GRK5: variants seen among roughly 807,000 people sequenced by gnomAD.
The protein encoded by GRK5 is G protein-coupled receptor kinase 5.
In GRK5, 40 loss-of-function variants were observed where a neutral mutation model predicts 78.4. The ratio of observed to expected loss-of-function variants is 0.51; its 90% CI spans 0.40 to 0.66. The LOEUF is 0.66. Among genes scored for constraint, GRK5 ranks in the 30% least tolerant of loss-of-function variants. GRK5 has a pLI of 0.00. For missense variants in GRK5, 598 were observed against 759.9 expected, an observed-to-expected ratio of 0.79 and a Z score of 2.50; for synonymous variants, 289 against 296.8, an observed-to-expected ratio of 0.97 and a Z score of 0.27.
chr10:119,368,489 C>T (rs1164104150), intron 2 of GRK5, among the ~76,000 whole-genome samples: 1 of 152,204 alleles, frequency 6.6e-6, no homozygotes, highest in Admixed American at 6.5e-5. Context: ...TCTCCATTCC[C>T]ACCAGGCTCA....
chr10:119,326,189 G>A (rs906405536), intron 1 of GRK5, among the ~76,000 whole-genome samples: 1 of 152,268 alleles, frequency 6.6e-6, no homozygotes, highest in East Asian at 1.9e-4. Context: ...GACGTGGCAG[G>A]CCTGGCCCCT....
At chr10:119,221,997 AG>A (rs548362876) in intron 1 of GRK5, among the ~76,000 whole-genome samples, 247 of 152,316 alleles carry the variant, frequency 1.6e-3, no homozygotes, top group African/African-American at 5.6e-3. Context: ...TAAATCAGGC[AG>A]GGGGTACACT....
intron 2 of GRK5, among the ~76,000 whole-genome samples, chr10:119,371,836 C>T (rs1235647337): frequency 6.6e-6 from 1 of 152,246 alleles, no homozygotes; most frequent in African/African-American, 2.4e-5. Context: ...TTCTGTGGCA[C>T]CTACTGTGTG....
chr10:119,228,755 A>G (rs945419003), intron 1 of GRK5, among the ~76,000 whole-genome samples: 4 of 152,232 alleles, frequency 2.6e-5, no homozygotes, highest in African/African-American at 9.6e-5. Flanking sequence ...AATTAGAAGA[A>G]AAAAGATGTC....
chr10:119,218,177 T>G (rs1848606300), intron 1 of GRK5, among the ~76,000 whole-genome samples: 1 of 152,054 alleles, frequency 6.6e-6, no homozygotes, highest in African/African-American at 2.4e-5. Flanking sequence ...ATGCACTTCC[T>G]TGGGGGTCCA....
At chr10:119,241,741 G>A (rs996588267) in intron 1 of GRK5, among the ~76,000 whole-genome samples, 2 of 152,206 alleles carry the variant, frequency 1.3e-5, no homozygotes, top group Non-Finnish European at 2.9e-5. Context: ...GTGGAGAGGA[G>A]GAAGAGCCGT....
rs374448597 is a variant in GRK5 at position 119,394,676 on chromosome 10, C to T, written c.262-2019C>T. ...GGGTGTGTGTATCTGTGTCTGTGGGCACGTGTGTGTGGGTGTGTGTGGGTG... is the reference window on the plus strand; with the variant it reads ...GGGTGTGTGTATCTGTGTCTGTGGGTACGTGTGTGTGGGTGTGTGTGGGTG... On this transcript the variant is annotated intron_variant, in intron 3 of 15. Transcript: ENST00000392870. Among the ~76,000 whole-genome samples, 16 of 3,204 alleles carry T rather than the reference C, an allele frequency of 5.0e-3. 5 individuals carry two copies. Among genetic ancestry groups the T allele is most frequent in the Non-Finnish European group, 0.012 (15 of 1,304 alleles). The allele number at this position is 3,204 out of a possible 152,430, so 2.1% of individuals were successfully genotyped here.
In GRK5 at chr10:119,452,773, T is replaced by A; in HGVS notation, c.1507T>A (p.Ser503Thr). Reference protein sequence around the residue: ...HTDDDFYSKFSTGSVSIPWQN... With the variant: ...HTDDDFYSKFTTGSVSIPWQN... ...AGACGACGACTTCTACTCCAAGTTC[T>A]CCACGGGCTCTGTGTCCATCCCATG... The change falls in exon 14 of 16, where the codon TCC (serine) becomes ACC (threonine). Residue 503 changes from serine to threonine, a missense_variant. Physicochemically the swap from Ser to Thr is moderately conservative, Grantham distance 58 (BLOSUM62 1). Coordinates refer to ENST00000392870, the MANE Select transcript of GRK5 (RefSeq NM_005308.3). The surrounding 1 kb of genome is among the most constrained non-coding windows in gnomAD (Gnocchi z 4.4). 1 of 1,396,248 alleles carries A rather than the reference T, an allele frequency of 7.2e-7. No individual in the cohort carries two copies. Among genetic ancestry groups the A allele is most frequent in the Non-Finnish European group, 9.6e-7 (1 of 1,043,162 alleles). 86.5% of individuals were successfully genotyped at this position (1,396,248 alleles called of 1,614,324 possible).
At chr10:119,268,721 A>G (rs1849539850) in intron 1 of GRK5, among the ~76,000 whole-genome samples, 1 of 152,224 alleles carries the variant, frequency 6.6e-6, no homozygotes, top group Admixed American at 6.5e-5. Context: ...CCCCAATGTC[A>G]TCACTATCAT....
intron 4 of GRK5, among the ~76,000 whole-genome samples, chr10:119,414,516 C>T (rs184165013): frequency 6.6e-6 from 1 of 152,346 alleles, no homozygotes; most frequent in East Asian, 1.9e-4. Flanking sequence ...ACCACATCCT[C>T]CTGCACACTG....
intron 2 of GRK5, among the ~76,000 whole-genome samples, chr10:119,363,675 C>G (rs115457532): frequency 0.024 from 3,598 of 152,300 alleles, 162 homozygotes; most frequent in African/African-American, 0.081. Context: ...ACTGTGTTTA[C>G]ATTCTAGCCT....
chr10:119,217,691 C>T lies in GRK5; in HGVS notation c.52+9722C>T, dbSNP rs57183194. On this transcript the variant is annotated intron_variant, in intron 1 of 15. Transcript: ENST00000392870. This position sits in a 1 kb window ranked among gnomAD's most constrained non-coding sequence, Gnocchi z 4.1. The stretch of plus-strand genomic sequence containing the variant: ...CATTGGCAGCAGCACCACCTCCTTT[C>T]CTTGGCAGAGGCAAGAGGTGGGCAG... 0.039 allele frequency among the ~76,000 whole-genome samples: 5,955 copies of T among 152,244 alleles called. 405 individuals carry two copies. The highest frequency in any genetic ancestry group is 0.14 in the African/African-American group (5,648 of 41,524).
chr10:119,310,504 G>A (rs1733170012), intron 1 of GRK5, among the ~76,000 whole-genome samples: 1 of 152,118 alleles, frequency 6.6e-6, no homozygotes, highest in South Asian at 2.1e-4. Flanking sequence ...AACCAGTGTG[G>A]GCAAAAACAT....
At chr10:119,411,997 T>C (rs1433227593) in intron 4 of GRK5, among the ~76,000 whole-genome samples, 1 of 151,982 alleles carries the variant, frequency 6.6e-6, no homozygotes, top group African/African-American at 2.4e-5. Context: ...ACTATAGGCA[T>C]ACACCACCAC....
At chr10:119,221,088 G>C (rs768219817) in intron 1 of GRK5, among the ~76,000 whole-genome samples, 1 of 152,024 alleles carries the variant, frequency 6.6e-6, no homozygotes, top group Non-Finnish European at 1.5e-5. Context: ...CCCGGGAGGC[G>C]GAGGTTGCAG....
chr10:119,366,068 T>A (rs2133815099), intron 2 of GRK5, among the ~76,000 whole-genome samples: 1 of 152,332 alleles, frequency 6.6e-6, no homozygotes. Flanking sequence ...TCCACCCCAT[T>A]TGGGCTTCTG....
rs1473176209 is a variant in GRK5, at chr10:119,431,339, A to T, written c.598-48A>T. The T allele has an allele frequency of 1.3e-6, 2 of 1,583,282 alleles. No individual in the cohort carries two copies. Among genetic ancestry groups the T allele is most frequent in the Non-Finnish European group, 1.7e-6 (2 of 1,164,758 alleles). ...TCCCCGCCCTGGAGGAGCTCGGGGC[A>T]GGCCTCCACGGTGCTCCTGCCACCC... On this transcript the variant is annotated intron_variant, in intron 7 of 15. Transcript: ENST00000392870. The surrounding 1 kb of genome is among the most constrained non-coding windows in gnomAD (Gnocchi z 4.8).
At chr10:119,257,410 G>A (rs1849306752) in intron 1 of GRK5, among the ~76,000 whole-genome samples, 1 of 152,188 alleles carries the variant, frequency 6.6e-6, no homozygotes. Context: ...CAGGTGGGAG[G>A]GAGTATGTCT....
chr10:119,349,466 G>A (rs1014884767), intron 2 of GRK5, among the ~76,000 whole-genome samples: 7 of 152,216 alleles, frequency 4.6e-5, no homozygotes, highest in Non-Finnish European at 5.9e-5. Flanking sequence ...AAGCCCTCAC[G>A]CCTTTGGAGG....
Sources: allele counts gnomAD v4.1 joint callset (sites outside exome capture counted in the v4.1 genomes callset), GRCh38; gene constraint gnomAD v4.1.1; non-coding constraint Gnocchi (gnomAD v3.1); transcripts MANE v1.5; gene names NCBI Gene and HGNC (gene_info 2026-07-23, HGNC 2026-07-21).